The following GPR176 variants were observed in gnomAD, a reference collection of about 807,000 sequenced individuals.
The protein encoded by GPR176 is G-protein coupled receptor 176.
GPR176 carries 26 observed loss-of-function variants against 35.4 expected under a neutral mutation model. The ratio of observed to expected loss-of-function variants is 0.74; its 90% CI spans 0.54 to 1.02. The LOEUF (loss-of-function observed/expected upper bound fraction) is 1.02. Ranked by LOEUF, GPR176 falls within the 50% of genes least tolerant of loss-of-function variation. The pLI, the probability that GPR176 is intolerant of heterozygous loss-of-function variation, is 0.00. For synonymous variants in GPR176, 278 were observed against 271.3 expected (o/e 1.02, Z -0.24); for missense variants, 597 against 665.3 (o/e 0.90, Z 1.13).
chr15:39,912,992 A>G (rs777958007), intron 1 of GPR176, among the ~76,000 whole-genome samples: 3 of 152,368 alleles, frequency 2.0e-5, no homozygotes, highest in Non-Finnish European at 2.9e-5. Context: ...ATGTCCACAT[A>G]AAAACTTGTA....
chr15:39,867,634 G>A (rs767913994), intron 1 of GPR176, among the ~76,000 whole-genome samples: 3 of 152,166 alleles, frequency 2.0e-5, no homozygotes, highest in Non-Finnish European at 2.9e-5. Flanking sequence ...AGAACTGGAG[G>A]AGCAAGAGAC....
chr15:39,844,072 A>C (rs2030230097), intron 1 of GPR176, among the ~76,000 whole-genome samples: 1 of 152,196 alleles, frequency 6.6e-6, no homozygotes, highest in Non-Finnish European at 1.5e-5. Flanking sequence ...TTAGTAGAAT[A>C]ATATAAAATA....
At chr15:39,856,527 G>A (rs931984451) in intron 1 of GPR176, among the ~76,000 whole-genome samples, 38 of 152,156 alleles carry the variant, frequency 2.5e-4, no homozygotes, top group African/African-American at 8.9e-4. Context: ...GAAGGTTAAC[G>A]GGCTGGAGGA....
intron 1 of GPR176, among the ~76,000 whole-genome samples, chr15:39,873,560 G>A (rs1370572818): frequency 6.6e-6 from 1 of 151,796 alleles, no homozygotes; most frequent in African/African-American, 2.4e-5. Context: ...GGTGACCTAG[G>A]CTCATACATT....
chr15:39,829,101 A>C, intron 1 of GPR176: 1 of 1,237,496 alleles, frequency 8.1e-7, no homozygotes, highest in Non-Finnish European at 1.1e-6. Flanking sequence ...AGAAATAAGA[A>C]GCAGTGGAGC....
At chr15:39,836,331 C>A (rs766181267) in intron 1 of GPR176, among the ~76,000 whole-genome samples, 28 of 152,034 alleles carry the variant, frequency 1.8e-4, no homozygotes, top group Non-Finnish European at 3.5e-4. Context: ...TGGCTTGGTA[C>A]CTTCCCCTGA....
intron 1 of GPR176, among the ~76,000 whole-genome samples, chr15:39,866,013 TA>T (rs2031814349): frequency 6.6e-6 from 1 of 151,962 alleles, no homozygotes; most frequent in African/African-American, 2.4e-5. Flanking sequence ...CTGTGAATCA[TA>T]AAAAGGGATG....
intron 1 of GPR176, among the ~76,000 whole-genome samples, chr15:39,845,085 C>T (rs540679281): frequency 5.8e-4 from 89 of 152,206 alleles, no homozygotes; most frequent in African/African-American, 2.0e-3. Flanking sequence ...GCAAAAGGCT[C>T]TCAGAGGAGG....
At chr15:39,900,350 G>C (rs2033240920) in intron 1 of GPR176, among the ~76,000 whole-genome samples, 2 of 151,798 alleles carry the variant, frequency 1.3e-5, no homozygotes, top group African/African-American at 4.9e-5. Context: ...TGTGAATTCA[G>C]TTAAACCTAC....
rs1898738301 is a variant in GPR176, at chr15:39,799,707, C to CTA, written c.*1423_*1424dup. ...GTACCAAGAGCAAGAACACAACACT[C>CTA]TAGAGAAAAGGGCAGAGCTGGCGCT... On this transcript the variant is annotated 3_prime_UTR_variant, in exon 3 of 3. Transcript: ENST00000561100. 1 of 152,306 alleles carries CTA rather than the reference C, an allele frequency of 6.6e-6. No homozygotes were observed. The highest frequency in any genetic ancestry group is 1.5e-5 in the Non-Finnish European group (1 of 68,088). The allele number at this position is 152,306 out of a possible 1,614,324, so 9.4% of individuals were successfully genotyped here.
chr15:39,895,711 G>A (rs1187937827), intron 1 of GPR176, among the ~76,000 whole-genome samples: 5 of 152,004 alleles, frequency 3.3e-5, no homozygotes, highest in Non-Finnish European at 7.4e-5. Context: ...ATATGGTATG[G>A]ACACTTAATA....
intron 1 of GPR176, among the ~76,000 whole-genome samples, chr15:39,906,251 A>G (rs954350171): frequency 1.3e-5 from 2 of 152,160 alleles, no homozygotes; most frequent in Non-Finnish European, 2.9e-5. Context: ...GCTGCAGTCA[A>G]AATATTCTAT....
chr15:39,903,475 G>A (rs2033336778), intron 1 of GPR176, among the ~76,000 whole-genome samples: 1 of 151,990 alleles, frequency 6.6e-6, no homozygotes, highest in African/African-American at 2.4e-5. Flanking sequence ...TGGCATTTGT[G>A]AATGGCAACC....
At chr15:39,829,038 C>T (rs1231590354) in intron 1 of GPR176, 5 of 742,490 alleles carry the variant, frequency 6.7e-6, no homozygotes, top group Non-Finnish European at 4.7e-6. Flanking sequence ...TATTCTATCC[C>T]ATTTTAAAAA....
chr15:39,819,313 A>G (rs908538722), intron 1 of GPR176, among the ~76,000 whole-genome samples: 4 of 152,070 alleles, frequency 2.6e-5, no homozygotes, highest in African/African-American at 9.7e-5. Context: ...CACCATTCAC[A>G]TTGCACTTAG....
At chr15:39,812,639 C>A (rs974182138) in intron 1 of GPR176, among the ~76,000 whole-genome samples, 1 of 152,086 alleles carries the variant, frequency 6.6e-6, no homozygotes, top group Non-Finnish European at 1.5e-5. Context: ...TGAGTCAATT[C>A]TTCTAATAAA....
chr15:39,841,024 C>G (rs62002488), intron 1 of GPR176, among the ~76,000 whole-genome samples: 44,884 of 152,032 alleles, frequency 0.3, 7,551 homozygotes, highest in Non-Finnish European at 0.39. Flanking sequence ...CTTAAAATTA[C>G]CTGTTGTTTC....
chr15:39,841,349 T>C (rs1019692343), intron 1 of GPR176, among the ~76,000 whole-genome samples: 2 of 111,100 alleles, frequency 1.8e-5, no homozygotes, highest in Non-Finnish European at 3.4e-5. Flanking sequence ...AAAAAATACA[T>C]TGAAGTCCTC....
intron 1 of GPR176, among the ~76,000 whole-genome samples, chr15:39,816,681 T>C (rs905581250): frequency 7.9e-5 from 12 of 152,214 alleles, no homozygotes; most frequent in African/African-American, 2.7e-4. Context: ...GAAAGAGTTT[T>C]CTAAAATGTT....
Sources: gnomAD v4.1 joint callset for allele counts (sites outside exome capture counted in the v4.1 genomes callset) on GRCh38, gnomAD v4.1.1 for gene constraint, MANE v1.5 for transcripts, NCBI Gene and HGNC (gene_info 2026-07-23, HGNC 2026-07-21) for gene names.